IFT140: variants seen among roughly 807,000 people sequenced by gnomAD.
IFT140 encodes the protein intraflagellar transport 140.
In IFT140, 133 loss-of-function variants were observed where a neutral mutation model predicts 164.6. The observed-to-expected ratio is 0.81, with a 90% CI of 0.70 to 0.93. The LOEUF (loss-of-function observed/expected upper bound fraction) is 0.93, where lower values mean the gene tolerates loss of function less well. Ranked by LOEUF, IFT140 falls within the 40% of genes least tolerant of loss-of-function variation. The pLI, the probability that IFT140 is intolerant of heterozygous loss-of-function variation, is 0.00. For synonymous variants in IFT140, 860 were observed against 817.3 expected (o/e 1.05, Z -0.89); for missense variants, 2,045 against 1,972.3 (o/e 1.04, Z -0.70).
At chr16:1,528,435 A>G (rs963886314) in intron 19 of IFT140, among the ~76,000 whole-genome samples, 7 of 150,982 alleles carry the variant, frequency 4.6e-5, no homozygotes, top group Non-Finnish European at 8.9e-5. Context: ...ACACAGATGC[A>G]CACACACATT....
At position 1,551,868 on chromosome 16, in the gene IFT140, A is replaced by T. The variant is rs2032669306; in HGVS notation, c.2399+6067T>A. On this transcript the variant is annotated intron_variant, in intron 19 of 30. Coordinates refer to ENST00000426508, the MANE Select transcript of IFT140 (RefSeq NM_014714.4). The surrounding 1 kb of genome is among the most constrained non-coding windows in gnomAD (Gnocchi z 4.0). ...GTTTTCTTCCCGAGGTTTTCCTAGA[A>T]AGCCACTGTAAATCCGAGCTGTGCA... is the stretch of plus-strand genomic sequence containing the variant. Among the ~76,000 whole-genome samples, 1 of 152,038 alleles carries T rather than the reference A, an allele frequency of 6.6e-6. No individual in the cohort carries two copies. Among genetic ancestry groups the T allele is most frequent in the Non-Finnish European group, 1.5e-5 (1 of 67,984 alleles).
rs186050632 is a variant in IFT140, at chr16:1,591,008, C to A, written c.634+1168G>T. Reference sequence around the variant, plus strand: ...ACTAGTATTTAATAAGTGCACAGTACGTGGCAGGCTCAGTTCTAAGCATCT... The same window carrying A: ...ACTAGTATTTAATAAGTGCACAGTAAGTGGCAGGCTCAGTTCTAAGCATCT... On this transcript the variant is annotated intron_variant, in intron 6 of 30. Transcript: ENST00000426508. Among the ~76,000 whole-genome samples, 9 of 152,300 alleles carry A rather than the reference C, an allele frequency of 5.9e-5. No individual in the cohort carries two copies. In the East Asian group the frequency reaches 1.7e-3, roughly 29 times the overall value.
chr16:1,536,264 C>T (rs1181154618), intron 19 of IFT140, among the ~76,000 whole-genome samples: 3 of 152,210 alleles, frequency 2.0e-5, no homozygotes, highest in African/African-American at 4.8e-5. Flanking sequence ...GTCACAGGGC[C>T]GCGTGTAGCC....
intron 3 of IFT140, among the ~76,000 whole-genome samples, chr16:1,605,852 G>A (rs1199397956): frequency 1.3e-5 from 2 of 152,208 alleles, no homozygotes; most frequent in Non-Finnish European, 2.9e-5. Flanking sequence ...TTGTGACATG[G>A]CGTCCTTTGG....
In IFT140 at chr16:1,531,502, C is replaced by T. The variant is rs2030491075; in HGVS notation, c.2400-4706G>A. 6.6e-6 allele frequency: 1 copy of T among 152,346 alleles called. No individual in the cohort carries two copies. Among genetic ancestry groups the T allele is most frequent in the African/African-American group, 2.4e-5 (1 of 41,434 alleles). The allele number at this position is 152,346 out of a possible 1,614,324, so 9.4% of individuals were successfully genotyped here. A position where few individuals can be genotyped will look rare whatever the true frequency, so the allele number is the denominator to read the frequency against. ...ATATGTGGGAGGGGGCAGTGGGACT[C>T]CACCGTGACCAAGACCCCAAGCAAC... On this transcript the variant is annotated intron_variant, in intron 19 of 30. Transcript: ENST00000426508. This position sits in a 1 kb window ranked among gnomAD's most constrained non-coding sequence, Gnocchi z 4.7.
intron 21 of IFT140, 103 bp from the exon 22 acceptor site, chr16:1,525,429 C>T (rs1039483411): frequency 2.3e-6 from 2 of 859,146 alleles, no homozygotes; most frequent in Middle Eastern, 3.2e-4. Flanking sequence ...AGAGCGGTGG[C>T]CCTCGGGGTG....
intron 14 of IFT140, among the ~76,000 whole-genome samples, chr16:1,569,700 C>T (rs1315535173): frequency 6.6e-6 from 1 of 151,666 alleles, no homozygotes; most frequent in Non-Finnish European, 1.5e-5. Context: ...AAGTGATCCT[C>T]CTGCCTCAGC....
chr16:1,580,701 T>C (rs2034511035), intron 13 of IFT140, 58 bp downstream of exon 13: 1 of 1,155,868 alleles, frequency 8.7e-7, no homozygotes, highest in East Asian at 2.3e-5. Context: ...TTTGTCTCAA[T>C]TGAGAGGCAG....
chr16:1,569,664 C>A (rs1470009255), intron 14 of IFT140, among the ~76,000 whole-genome samples: 1 of 151,570 alleles, frequency 6.6e-6, no homozygotes, highest in East Asian at 1.9e-4. Context: ...GATCTTGGCT[C>A]ACTGCAGCCT....
intron 3 of IFT140, among the ~76,000 whole-genome samples, chr16:1,604,264 G>A (rs1570210): frequency 0.07 from 7,927 of 113,630 alleles, 433 homozygotes; most frequent in Admixed American, 0.22. Context: ...GCTGCATCGC[G>A]CTGCAAGGGC....
chr16:1,595,674 ATGTG>A (rs2035427780), intron 4 of IFT140, among the ~76,000 whole-genome samples: 2 of 152,148 alleles, frequency 1.3e-5, no homozygotes, highest in African/African-American at 4.8e-5. Context: ...TTAAAATAGC[ATGTG>A]GCATGTAAGT....
rs368402755 is a variant in IFT140, at chr16:1,554,779, C to T, written c.2399+3156G>A. On this transcript the variant is annotated intron_variant, in intron 19 of 30. Transcript: ENST00000426508. ...GGCCTCTCAACCCTTCTCTCATCTG[C>T]AGGTTTTGTCCTGGTCATCGGGCTC... is the stretch of plus-strand genomic sequence containing the variant. 7.6e-5 allele frequency: 123 copies of T among 1,613,818 alleles called. No homozygotes were observed. Among genetic ancestry groups the T allele is most frequent in the Non-Finnish European group, 1.0e-4 (120 of 1,179,840 alleles).
intron 11 of IFT140, 62 bp from the exon 12 acceptor site, chr16:1,583,448 C>T: frequency 7.5e-7 from 1 of 1,333,664 alleles, no homozygotes; most frequent in Non-Finnish European, 1.1e-6. Context: ...ACTGTACACC[C>T]CACTGCACAC....
chr16:1,528,451 G>A (rs1329948761), intron 19 of IFT140, among the ~76,000 whole-genome samples: 1 of 147,808 alleles, frequency 6.8e-6, no homozygotes, highest in Non-Finnish European at 1.5e-5. Context: ...ACATTCACAT[G>A]CATGCACACA....
In IFT140 at chr16:1,601,593, G is replaced by A. The variant is rs143745844; in HGVS notation, c.369+777C>T. ...AGACCTGGCAGTGGGAACAGCGGGCGAATCGACATGGAGGGTGGATGCGTG... is the reference window on the plus strand; with the variant it reads ...AGACCTGGCAGTGGGAACAGCGGGCAAATCGACATGGAGGGTGGATGCGTG... On this transcript the variant is annotated intron_variant, in intron 4 of 30. Coordinates refer to ENST00000426508, the MANE Select transcript of IFT140 (RefSeq NM_014714.4). Among the ~76,000 whole-genome samples the A allele has an allele frequency of 1.9e-3, 291 of 152,334 alleles. 2 individuals are homozygous for A. Among genetic ancestry groups the A allele is most frequent in the African/African-American group, 6.7e-3 (280 of 41,572 alleles).
intron 19 of IFT140, among the ~76,000 whole-genome samples, chr16:1,547,063 G>A (rs2032236706): frequency 6.6e-6 from 1 of 152,246 alleles, no homozygotes; most frequent in South Asian, 2.1e-4. Flanking sequence ...CCTTGTTTTG[G>A]TGCCAGAGAG....
intron 13 of IFT140, chr16:1,577,806 G>A (rs2034353468): frequency 6.6e-6 from 1 of 152,122 alleles, no homozygotes. Context: ...AGTGAGCTGA[G>A]ATTGTGCCAC....
chr16:1,611,543 G>T (rs564525636), intron 1 of IFT140, among the ~76,000 whole-genome samples: 45 of 150,108 alleles, frequency 3.0e-4, no homozygotes, highest in African/African-American at 1.1e-3. Context: ...AGCCGGGCGC[G>T]GTGGCTCACG....
At chr16:1,547,223 C>T (rs1451967079) in intron 19 of IFT140, among the ~76,000 whole-genome samples, 3 of 152,190 alleles carry the variant, frequency 2.0e-5, no homozygotes, top group African/African-American at 7.2e-5. Flanking sequence ...GACATGACAT[C>T]GGGGCACCAG....
Sources: allele counts gnomAD v4.1 joint callset (sites outside exome capture counted in the v4.1 genomes callset), GRCh38; gene constraint gnomAD v4.1.1; non-coding constraint Gnocchi (gnomAD v3.1); transcripts MANE v1.5; gene names NCBI Gene and HGNC (gene_info 2026-07-23, HGNC 2026-07-21).